The following MSH3 variants were observed in gnomAD, a reference collection of about 807,000 sequenced individuals.
MSH3 encodes the protein DNA mismatch repair protein Msh3.
A neutral mutation model predicts 123.3 loss-of-function variants in MSH3; 106 were observed. That is an observed-to-expected ratio of 0.86 (90% confidence interval 0.73 to 1.01). The LOEUF is 1.01. Ranked by LOEUF, MSH3 falls within the 50% of genes least tolerant of loss-of-function variation. The pLI is 0.00. For missense variants in MSH3, 1,459 were observed against 1,347.6 expected (o/e 1.08, Z -1.29); for synonymous variants, 515 against 481.4 (o/e 1.07, Z -0.91).
chr5:80,805,397 T>C (rs945782832), intron 19 of MSH3, among the ~76,000 whole-genome samples: 2 of 152,196 alleles, frequency 1.3e-5, no homozygotes, highest in African/African-American at 2.4e-5. Context: ...CATCTAAATT[T>C]CCCCTAATGC....
At chr5:80,717,451 A>G (rs1193427755) in intron 8 of MSH3, among the ~76,000 whole-genome samples, 3 of 151,996 alleles carry the variant, frequency 2.0e-5, no homozygotes, top group Non-Finnish European at 4.4e-5. Context: ...TATTTTTTTT[A>G]GAGACAGGCT....
chr5:80,852,067 T>G (rs1194549482), intron 20 of MSH3, among the ~76,000 whole-genome samples: 1 of 152,204 alleles, frequency 6.6e-6, no homozygotes, highest in Non-Finnish European at 1.5e-5. Context: ...GGCTCATGCC[T>G]GTAATCTCAG....
rs185628864 is a variant in MSH3 at position 80,709,438 on chromosome 5, T to C, written c.1341-16015T>C. ...GAGATCGAGACCATCCTGGCTAACA[T>C]GGTGAAACTCCGTCTCTACTAAAAA... On this transcript the variant is annotated intron_variant, in intron 8 of 23. Transcript: ENST00000265081. Among the ~76,000 whole-genome samples the C allele has an allele frequency of 7.2e-3, 1,094 of 152,198 alleles. 8 individuals are homozygous for C. Among genetic ancestry groups the C allele is most frequent in the Middle Eastern group, 0.01 (3 of 294 alleles).
intron 2 of MSH3, among the ~76,000 whole-genome samples, chr5:80,663,915 T>G (rs1650672): frequency 0.27 from 41,107 of 152,042 alleles, 5,769 homozygotes; most frequent in Middle Eastern, 0.34. Flanking sequence ...ACTCTTGCCC[T>G]CAGAGTGTTT....
intron 9 of MSH3, 58 bp downstream of exon 9, chr5:80,725,623 A>G (rs912931103): frequency 6.1e-6 from 7 of 1,144,832 alleles, no homozygotes; most frequent in Middle Eastern, 2.3e-4. Flanking sequence ...GGATAAAGGT[A>G]TTAGTATGAT....
At chr5:80,692,572 TTATA>T (rs747991284) in intron 8 of MSH3, among the ~76,000 whole-genome samples, 14 of 126,354 alleles carry the variant, frequency 1.1e-4, no homozygotes, top group East Asian at 7.3e-4. Flanking sequence ...ATGTATATGT[TTATA>T]TAGAGAGATA....
intron 7 of MSH3, among the ~76,000 whole-genome samples, chr5:80,678,723 A>G (rs1749896126): frequency 6.6e-6 from 1 of 152,054 alleles, no homozygotes; most frequent in African/African-American, 2.4e-5. Flanking sequence ...CGGAAATCTG[A>G]TTTATAGTAT....
chr5:80,873,399 C>A, intron 23 of MSH3, 112 bp downstream of exon 23: 2 of 1,042,006 alleles, frequency 1.9e-6, no homozygotes, highest in Admixed American at 2.1e-5. Flanking sequence ...AGCACCTCTT[C>A]AAATATTCTG....
Position 80,730,989 on chromosome 5 carries a change from G to T in MSH3, c.1568+2024G>T, listed in dbSNP as rs183018117. ...GCGATCTCAGCTCACTGCAACTTCC[G>T]CCTCCTGGGTTCAAGCAATTCTCCT... On this transcript the variant is annotated intron_variant, in intron 10 of 23. Transcript: ENST00000265081. Among the ~76,000 whole-genome samples, 485 of 146,324 alleles carry T rather than the reference G, an allele frequency of 3.3e-3. 5 individuals carry two copies. Among genetic ancestry groups the T allele is most frequent in the African/African-American group, 0.012 (461 of 39,388 alleles).
At chr5:80,713,179 CAG>C (rs1750891398) in intron 8 of MSH3, among the ~76,000 whole-genome samples, 1 of 152,122 alleles carries the variant, frequency 6.6e-6, no homozygotes, top group Non-Finnish European at 1.5e-5. Context: ...AACATTAGTT[CAG>C]AGTCTCTGTT....
At chr5:80,723,133 A>ATAAG (rs1554070035) in intron 8 of MSH3, among the ~76,000 whole-genome samples, 1 of 150,670 alleles carries the variant, frequency 6.6e-6, no homozygotes, top group South Asian at 2.1e-4. Flanking sequence ...AAATAAATAA[A>ATAAG]GTAATCCCAG....
At chr5:80,798,103 G>A (rs1048314412) in intron 19 of MSH3, among the ~76,000 whole-genome samples, 36 of 151,394 alleles carry the variant, frequency 2.4e-4, no homozygotes, top group African/African-American at 8.5e-4. Flanking sequence ...TCAGTTTGTT[G>A]GGTGGGAAGA....
intron 20 of MSH3, among the ~76,000 whole-genome samples, chr5:80,821,320 G>T (rs943831434): frequency 1.3e-5 from 2 of 152,180 alleles, no homozygotes; most frequent in African/African-American, 2.4e-5. Context: ...TTGAGGGAAA[G>T]AACTCTACTC....
intron 21 of MSH3, among the ~76,000 whole-genome samples, chr5:80,857,386 G>C (rs1314936793): frequency 1.3e-5 from 2 of 152,166 alleles, no homozygotes; most frequent in Non-Finnish European, 2.9e-5. Flanking sequence ...TTAGTATTAA[G>C]GTAATGCTGG....
At chr5:80,867,941 C>T (rs1382723303) in intron 22 of MSH3, among the ~76,000 whole-genome samples, 1 of 152,146 alleles carries the variant, frequency 6.6e-6, no homozygotes. Context: ...TCCCCTGTGT[C>T]AGTTTTTGCT....
chr5:80,740,874 C>G (rs1580596977), intron 10 of MSH3, among the ~76,000 whole-genome samples: 1 of 152,072 alleles, frequency 6.6e-6, no homozygotes, highest in Middle Eastern at 3.4e-3. Context: ...GCCACCATGC[C>G]TGGCTAATTT....
In MSH3 at chr5:80,862,460, A is replaced by C. The variant is rs548821080; in HGVS notation, c.3001-2353A>C. Among the ~76,000 whole-genome samples the C allele has an allele frequency of 2.6e-5, 4 of 152,316 alleles. No homozygotes were observed. The East Asian group carries it at 7.7e-4, about 29-fold the overall frequency. ...TAAAATATGCCTTAAAATAATGCTTATTAAAGAATCCATGAGACTGGGTGC... is the reference window on the plus strand; with the variant it reads ...TAAAATATGCCTTAAAATAATGCTTCTTAAAGAATCCATGAGACTGGGTGC... On this transcript the variant is annotated intron_variant, in intron 21 of 23. Coordinates refer to ENST00000265081, the MANE Select transcript of MSH3 (RefSeq NM_002439.5).
intron 8 of MSH3, among the ~76,000 whole-genome samples, chr5:80,723,825 T>C (rs942792056): frequency 2.0e-5 from 3 of 152,130 alleles, no homozygotes; most frequent in Non-Finnish European, 4.4e-5. Flanking sequence ...TGCAGTGGTG[T>C]GATCACAGCT....
chr5:80,749,322 T>C (rs1210855515), intron 12 of MSH3, among the ~76,000 whole-genome samples: 1 of 152,158 alleles, frequency 6.6e-6, no homozygotes, highest in Non-Finnish European at 1.5e-5. Flanking sequence ...AGTCCAAAAG[T>C]TGAAGAACTG....
Sources: gnomAD v4.1 joint callset for allele counts (sites outside exome capture counted in the v4.1 genomes callset) on GRCh38, gnomAD v4.1.1 for gene constraint, MANE v1.5 for transcripts, NCBI Gene and HGNC (gene_info 2026-07-23, HGNC 2026-07-21) for gene names.